The following PARD3B variants were observed in gnomAD, a reference collection of about 807,000 sequenced individuals.
PARD3B encodes the protein par-3 family cell polarity regulator beta.
In PARD3B, 103 loss-of-function variants were observed where a neutral mutation model predicts 130.2. That is an observed-to-expected ratio of 0.79 (90% CI 0.67 to 0.93). PARD3B has a LOEUF of 0.93. PARD3B is among the 40% of genes least tolerant of loss of function. The pLI, the probability that PARD3B is intolerant of heterozygous loss-of-function variation, is 0.00. For missense variants in PARD3B, 1,609 were observed against 1,499.2 expected, an observed-to-expected ratio of 1.07 and a Z score of -1.21; for synonymous variants, 583 against 553.2, an observed-to-expected ratio of 1.05 and a Z score of -0.76.
chr2:204,747,776 G>A (rs1274266178), intron 2 of PARD3B, among the ~76,000 whole-genome samples: 1 of 151,726 alleles, frequency 6.6e-6, no homozygotes, highest in African/African-American at 2.4e-5. Context: ...TGATATAGCA[G>A]GATTTTAAAA....
At position 205,617,779 on chromosome 2, in the gene PARD3B, G is replaced by A. The variant is rs1371631201; in HGVS notation, c.*1966G>A. On this transcript the variant is annotated 3_prime_UTR_variant, in exon 23 of 23. Coordinates refer to ENST00000406610, the MANE Select transcript of PARD3B (RefSeq NM_001302769.2). ...CTGCTGAATGCTACCTTCCCCTCGA[G>A]TTGAATACACCTTAAGGAAAATGAT... 1 of 152,176 alleles carries A rather than the reference G, an allele frequency of 6.6e-6. No individual in the cohort carries two copies. Among genetic ancestry groups the A allele is most frequent in the Non-Finnish European group, 1.5e-5 (1 of 68,046 alleles). 9.4% of individuals were successfully genotyped at this position (152,176 alleles called of 1,614,324 possible). A position where few individuals can be genotyped will look rare whatever the true frequency, so the allele number is the denominator to read the frequency against.
chr2:204,564,307 G>A (rs1241585517), intron 1 of PARD3B, among the ~76,000 whole-genome samples: 1 of 152,184 alleles, frequency 6.6e-6, no homozygotes, highest in Non-Finnish European at 1.5e-5. Flanking sequence ...AGAAGGAAGA[G>A]AGCCTGCAGT....
chr2:205,034,503 C>G (rs1697659321), intron 3 of PARD3B, among the ~76,000 whole-genome samples: 1 of 152,094 alleles, frequency 6.6e-6, no homozygotes, highest in Non-Finnish European at 1.5e-5. Context: ...CCAGCTGGCA[C>G]ATTTTAGGCA....
intron 2 of PARD3B, among the ~76,000 whole-genome samples, chr2:204,937,518 T>C (rs1469514951): frequency 6.6e-6 from 1 of 152,238 alleles, no homozygotes; most frequent in African/African-American, 2.4e-5. Context: ...TAGCTTCATA[T>C]GCTCTATAAG....
At chr2:205,577,060 TG>T (rs1358081535) in intron 22 of PARD3B, among the ~76,000 whole-genome samples, 2 of 152,314 alleles carry the variant, frequency 1.3e-5, no homozygotes, top group African/African-American at 4.8e-5. Flanking sequence ...CTTATATAAA[TG>T]GTATTGTGTT....
Position 205,131,175 on chromosome 2 carries a change from A to T in PARD3B, c.1434+5438A>T, listed in dbSNP as rs1019102961. Reference sequence around the variant, plus strand: ...GCTTAATTAACTGAGATACTTAAGGAAAAATGAATATTATAGCAGTTATTT... The same window carrying T: ...GCTTAATTAACTGAGATACTTAAGGTAAAATGAATATTATAGCAGTTATTT... On this transcript the variant is annotated intron_variant, in intron 10 of 22. Transcript: ENST00000406610. 2.0e-5 allele frequency among the ~76,000 whole-genome samples: 3 copies of T among 152,224 alleles called. No individual in the cohort carries two copies. The South Asian group carries it at 6.2e-4, about 31-fold the overall frequency.
intron 10 of PARD3B, among the ~76,000 whole-genome samples, chr2:205,127,250 T>C (rs1243842692): frequency 1.3e-5 from 2 of 148,706 alleles, no homozygotes; most frequent in African/African-American, 5.0e-5. Flanking sequence ...TGAGCCAAGA[T>C]TGCACGAGTG....
At chr2:205,106,481 A>ATGTGTG (rs202186761) in intron 5 of PARD3B, among the ~76,000 whole-genome samples, 3 of 146,916 alleles carry the variant, frequency 2.0e-5, no homozygotes, top group African/African-American at 7.6e-5. Flanking sequence ...TAAGAAATGT[A>ATGTGTG]TGTGTGTGTG....
chr2:205,367,294 T>C (rs1174982713), intron 18 of PARD3B, among the ~76,000 whole-genome samples: 1 of 152,180 alleles, frequency 6.6e-6, no homozygotes. Context: ...TTGTTAGTGT[T>C]GTTTATATGA....
chr2:204,846,290 A>G (rs901772425), intron 2 of PARD3B, among the ~76,000 whole-genome samples: 2 of 152,172 alleles, frequency 1.3e-5, no homozygotes, highest in East Asian at 1.9e-4. Flanking sequence ...CATATTACCA[A>G]TGGTGGGGAT....
intron 1 of PARD3B, among the ~76,000 whole-genome samples, chr2:204,654,888 T>A (rs1271436670): frequency 6.6e-6 from 1 of 152,186 alleles, no homozygotes; most frequent in African/African-American, 2.4e-5. Flanking sequence ...TGTTTCATAG[T>A]CTCTGGTGGA....
rs527236289 is a variant in PARD3B at position 205,381,773 on chromosome 2, A to G, written c.2631-19240A>G. 4.0e-4 allele frequency among the ~76,000 whole-genome samples: 61 copies of G among 152,164 alleles called. 1 individual carries two copies. The highest frequency in any genetic ancestry group is 1.3e-3 in the African/African-American group (55 of 41,542). On this transcript the variant is annotated intron_variant, in intron 18 of 22. Transcript: ENST00000406610. ...GCTCAGAAACATGTAGACAATGTAT[A>G]TATTTCTGTTTGGGGGAGGACTGCA...
intron 2 of PARD3B, among the ~76,000 whole-genome samples, chr2:204,728,468 T>G (rs2039339009): frequency 6.6e-6 from 1 of 152,078 alleles, no homozygotes; most frequent in Non-Finnish European, 1.5e-5. Flanking sequence ...GTAAAAGGTG[T>G]TGAGGCTGAG....
intron 2 of PARD3B, among the ~76,000 whole-genome samples, chr2:204,845,064 G>A (rs1219645909): frequency 1.3e-5 from 2 of 152,094 alleles, no homozygotes; most frequent in Non-Finnish European, 2.9e-5. Flanking sequence ...TGCACGCTGA[G>A]GATTACCTAT....
chr2:205,020,899 A>G (rs1424051937), intron 3 of PARD3B, among the ~76,000 whole-genome samples: 1 of 152,152 alleles, frequency 6.6e-6, no homozygotes, highest in African/African-American at 2.4e-5. Context: ...GAGCAGGCTA[A>G]TAGTCAACAG....
intron 21 of PARD3B, among the ~76,000 whole-genome samples, chr2:205,512,790 T>C (rs184684462): frequency 6.6e-6 from 1 of 152,158 alleles, no homozygotes; most frequent in African/African-American, 2.4e-5. Flanking sequence ...AGAAAGACAA[T>C]CCCCATCATG....
rs752585453 is a variant in PARD3B at position 204,883,521 on chromosome 2, C to T, written c.223-81631C>T. 3.4e-3 allele frequency among the ~76,000 whole-genome samples: 489 copies of T among 142,730 alleles called. 3 individuals carry two copies. The highest frequency in any genetic ancestry group is 5.5e-3 in the Non-Finnish European group (363 of 66,354). The allele number at this position is 142,730 out of a possible 152,430, so 93.6% of individuals were successfully genotyped here. A position where few individuals can be genotyped will look rare whatever the true frequency, so the allele number is the denominator to read the frequency against. On this transcript the variant is annotated intron_variant, in intron 2 of 22. Coordinates refer to ENST00000406610, the MANE Select transcript of PARD3B (RefSeq NM_001302769.2). ...TAGAGTGCAGTGGCCCAATCTCGCTCGCTGCAACCTCTGCCTCCCGGGTTC... is the reference window on the plus strand; with the variant it reads ...TAGAGTGCAGTGGCCCAATCTCGCTTGCTGCAACCTCTGCCTCCCGGGTTC...
chr2:205,480,104 C>T (rs190398598), intron 20 of PARD3B, among the ~76,000 whole-genome samples: 39 of 152,112 alleles, frequency 2.6e-4, no homozygotes, highest in African/African-American at 9.4e-4. Flanking sequence ...GGGGTTTCAC[C>T]ATGTTGACCA....
At chr2:204,770,832 G>A (rs959922034) in intron 2 of PARD3B, among the ~76,000 whole-genome samples, 3 of 151,940 alleles carry the variant, frequency 2.0e-5, no homozygotes, top group Non-Finnish European at 4.4e-5. Flanking sequence ...TTCCCTATCA[G>A]GAGTCTCTGT....
Sources: gnomAD v4.1 joint callset for allele counts (sites outside exome capture counted in the v4.1 genomes callset) on GRCh38, gnomAD v4.1.1 for gene constraint, MANE v1.5 for transcripts, NCBI Gene and HGNC (gene_info 2026-07-23, HGNC 2026-07-21) for gene names.